Variants in EEPD1 observed in about 807,000 individuals in gnomAD.
EEPD1 encodes endonuclease/exonuclease/phosphatase family domain-containing protein 1.
A neutral mutation model predicts 46.3 loss-of-function variants in EEPD1; 17 were observed. The observed-to-expected ratio is 0.37, with a 90% CI of 0.25 to 0.55. EEPD1 has a LOEUF of 0.55. Among genes scored for constraint, EEPD1 ranks in the 20% least tolerant of loss-of-function variants. The probability of loss-of-function intolerance (pLI) is 0.83; values close to 1 mark genes in which losing one functional copy is unlikely to be tolerated. For missense variants in EEPD1, 673 were observed against 745.6 expected, an observed-to-expected ratio of 0.90 and a Z score of 1.13; for synonymous variants, 313 against 315.6, an observed-to-expected ratio of 0.99 and a Z score of 0.09.
At chr7:36,204,564 A>C (rs1261946129) in intron 2 of EEPD1, among the ~76,000 whole-genome samples, 2 of 152,078 alleles carry the variant, frequency 1.3e-5, no homozygotes, top group Non-Finnish European at 2.9e-5. Context: ...ACCTTCCCTT[A>C]GGGTGCCCCA....
intron 2 of EEPD1, among the ~76,000 whole-genome samples, chr7:36,164,641 T>C (rs536949176): frequency 3.9e-5 from 6 of 152,384 alleles, no homozygotes; most frequent in African/African-American, 1.4e-4. Flanking sequence ...TGACCTACCA[T>C]TCTTTCCTCT....
chr7:36,205,515 C>T (rs1184682117), intron 2 of EEPD1, among the ~76,000 whole-genome samples: 1 of 152,086 alleles, frequency 6.6e-6, no homozygotes, highest in African/African-American at 2.4e-5. Context: ...GTATTTCTGG[C>T]CTCTCTGGAG....
intron 2 of EEPD1, among the ~76,000 whole-genome samples, chr7:36,235,368 A>G (rs1786414900): frequency 6.6e-6 from 1 of 152,228 alleles, no homozygotes; most frequent in African/African-American, 2.4e-5. Flanking sequence ...CTGTAGCCTC[A>G]GTTCAGGCAC....
At chr7:36,286,946 G>A (rs1192222081) in intron 5 of EEPD1, among the ~76,000 whole-genome samples, 2 of 152,124 alleles carry the variant, frequency 1.3e-5, no homozygotes, top group Admixed American at 6.5e-5. Context: ...GGTTGTGGCC[G>A]GGTACGTAGC....
chr7:36,288,051 A>G (rs1478257129), intron 6 of EEPD1, among the ~76,000 whole-genome samples: 5 of 152,068 alleles, frequency 3.3e-5, no homozygotes, highest in Non-Finnish European at 7.4e-5. Flanking sequence ...GGAAGAATAT[A>G]AGTGATGATG....
At chr7:36,213,022 A>AGG (rs1785963227) in intron 2 of EEPD1, among the ~76,000 whole-genome samples, 4 of 152,132 alleles carry the variant, frequency 2.6e-5, no homozygotes, top group African/African-American at 9.7e-5. Context: ...GTATGGTGGC[A>AGG]TACGCCTGTA....
At chr7:36,278,224 G>A (rs1406373088) in intron 3 of EEPD1, among the ~76,000 whole-genome samples, 1 of 152,126 alleles carries the variant, frequency 6.6e-6, no homozygotes, top group African/African-American at 2.4e-5. Flanking sequence ...TGTCAGCCTG[G>A]GCCACCTCTT....
At chr7:36,182,112 G>C (rs980576627) in intron 2 of EEPD1, among the ~76,000 whole-genome samples, 6 of 152,206 alleles carry the variant, frequency 3.9e-5, no homozygotes, top group Admixed American at 3.9e-4. Context: ...GCATCGCAGC[G>C]TTGGTTGTGG....
chr7:36,154,485 C>G lies in EEPD1; in HGVS notation c.161C>G (p.Pro54Arg), dbSNP rs1456789231. Residue 54 changes from proline (P) to arginine (R), a missense_variant, in exon 2 of 8, where the codon CCT (proline) becomes CGT (arginine). Physicochemically the swap from Pro to Arg is moderately radical, Grantham distance 103. Coordinates refer to ENST00000242108, the MANE Select transcript of EEPD1 (RefSeq NM_030636.3). This position sits in a 1 kb window ranked among gnomAD's most constrained non-coding sequence, Gnocchi z 4.2. Reference protein sequence around the residue: ...TATEEELMTLPGVTRAVARSI... With the variant: ...TATEEELMTLRGVTRAVARSI... ...ACGGAGGAGGAGCTGATGACCCTGC[C>G]TGGGGTGACGCGTGCCGTGGCACGC... 2.5e-6 allele frequency: 4 copies of G among 1,614,104 alleles called. No homozygotes were observed. The highest frequency in any genetic ancestry group is 3.4e-6 in the Non-Finnish European group (4 of 1,180,052).
chr7:36,158,948 A>T (rs1583777621), intron 2 of EEPD1, among the ~76,000 whole-genome samples: 2 of 152,382 alleles, frequency 1.3e-5, no homozygotes, highest in Non-Finnish European at 2.9e-5. Context: ...TGTGGCCTAC[A>T]TAAGAAGAGA....
intron 2 of EEPD1, among the ~76,000 whole-genome samples, chr7:36,191,413 C>T (rs566883645): frequency 5.3e-5 from 8 of 151,988 alleles, no homozygotes; most frequent in Non-Finnish European, 1.0e-4. Flanking sequence ...GGGGAGAGGA[C>T]GAGGCTCAGA....
At chr7:36,177,292 CAG>C (rs1158149431) in intron 2 of EEPD1, among the ~76,000 whole-genome samples, 1 of 149,718 alleles carries the variant, frequency 6.7e-6, no homozygotes, top group African/African-American at 2.5e-5. Flanking sequence ...GTTTTAGATT[CAG>C]GGGGTGCATG....
At chr7:36,232,324 C>T (rs964297191) in intron 2 of EEPD1, among the ~76,000 whole-genome samples, 2 of 152,004 alleles carry the variant, frequency 1.3e-5, no homozygotes, top group Non-Finnish European at 2.9e-5. Context: ...CCTGTCTCAG[C>T]CTCCCGAGTA....
intron 3 of EEPD1, among the ~76,000 whole-genome samples, chr7:36,260,080 G>A (rs1174501135): frequency 6.6e-6 from 1 of 152,134 alleles, no homozygotes; most frequent in African/African-American, 2.4e-5. Context: ...GTTTTATACA[G>A]CTGCTTTTAA....
intron 2 of EEPD1, among the ~76,000 whole-genome samples, chr7:36,157,799 C>T (rs973076661): frequency 1.3e-5 from 2 of 152,122 alleles, no homozygotes; most frequent in Non-Finnish European, 2.9e-5. Flanking sequence ...GTATGACTGT[C>T]CTAGGGTATC....
chr7:36,257,296 G>T (rs576488973), intron 3 of EEPD1, among the ~76,000 whole-genome samples: 1 of 151,808 alleles, frequency 6.6e-6, no homozygotes, highest in East Asian at 1.9e-4. Flanking sequence ...ATGATTATGT[G>T]TCTCGGGGTC....
intron 2 of EEPD1, among the ~76,000 whole-genome samples, chr7:36,157,783 TTGTC>T (rs1398354577): frequency 5.9e-5 from 9 of 152,154 alleles, no homozygotes; most frequent in African/African-American, 2.2e-4. Flanking sequence ...GGTGAGTGCT[TTGTC>T]TGTATGACTG....
At chr7:36,197,598 T>C (rs1484951295) in intron 2 of EEPD1, among the ~76,000 whole-genome samples, 1 of 152,258 alleles carries the variant, frequency 6.6e-6, no homozygotes, top group African/African-American at 2.4e-5. Context: ...GGGATCCTAT[T>C]GATCTATGAC....
chr7:36,275,102 C>T (rs559521630), intron 3 of EEPD1, among the ~76,000 whole-genome samples: 201 of 152,336 alleles, frequency 1.3e-3, no homozygotes, highest in Middle Eastern at 3.4e-3. Flanking sequence ...AGGGAAGTCA[C>T]GTCCAGAGTC....
Sources: gnomAD v4.1 joint callset for allele counts (sites outside exome capture counted in the v4.1 genomes callset) on GRCh38, gnomAD v4.1.1 for gene constraint, Gnocchi (gnomAD v3.1) non-coding constraint, MANE v1.5 for transcripts, NCBI Gene and HGNC (gene_info 2026-07-23, HGNC 2026-07-21) for gene names.